Variants in ANAPC10 observed in about 807,000 individuals in gnomAD.
The protein encoded by ANAPC10 is anaphase-promoting complex subunit 10.
Under a neutral mutation model 22.0 loss-of-function variants are expected in ANAPC10, and 12 were observed. That is an observed-to-expected ratio of 0.55 (90% CI 0.35 to 0.88). The LOEUF (loss-of-function observed/expected upper bound fraction) is 0.88. ANAPC10 is among the 40% of genes least tolerant of loss of function. The probability of loss-of-function intolerance (pLI) is 0.01; values close to 1 mark genes in which losing one functional copy is unlikely to be tolerated. For synonymous variants in ANAPC10, 65 were observed against 69.5 expected, an observed-to-expected ratio of 0.94 and a Z score of 0.32; for missense variants, 188 against 220.9, an observed-to-expected ratio of 0.85 and a Z score of 0.94.
At chr4:145,036,662 A>T (rs959573995) in intron 4 of ANAPC10, among the ~76,000 whole-genome samples, 10 of 152,214 alleles carry the variant, frequency 6.6e-5, no homozygotes, top group Admixed American at 3.9e-4. Flanking sequence ...CACGCTTTTA[A>T]CCTACATACA....
At position 145,035,917 on chromosome 4, in the gene ANAPC10, G is replaced by A. The variant is rs188696992; in HGVS notation, c.327+28655C>T. Among the ~76,000 whole-genome samples, 3 of 152,280 alleles carry A rather than the reference G, an allele frequency of 2.0e-5. No homozygotes were observed. In the East Asian group the frequency reaches 5.8e-4, roughly 29 times the overall value. On this transcript the variant is annotated intron_variant, in intron 4 of 4. Transcript: ENST00000507656. ...TCTGATGGACCTTCCACTGGTAGCA[G>A]ATGAGCTGGAAGTCCAGGAGGGATG...
chr4:145,002,776 G>A (rs1486647033), intron 4 of ANAPC10, among the ~76,000 whole-genome samples: 4 of 151,960 alleles, frequency 2.6e-5, no homozygotes, highest in African/African-American at 9.7e-5. Flanking sequence ...TCATTAAAAA[G>A]TTACATACAT....
intron 4 of ANAPC10, among the ~76,000 whole-genome samples, chr4:145,012,449 C>T (rs936853963): frequency 2.6e-5 from 4 of 151,876 alleles, no homozygotes; most frequent in African/African-American, 9.7e-5. Context: ...TAAAGAATTT[C>T]ATCTGAGAAT....
At chr4:145,089,197 C>T (rs1346664781) in intron 2 of ANAPC10, among the ~76,000 whole-genome samples, 2 of 151,964 alleles carry the variant, frequency 1.3e-5, no homozygotes, top group African/African-American at 4.8e-5. Flanking sequence ...ACTCAAAGGC[C>T]ATAATTGTCA....
intron 3 of ANAPC10, among the ~76,000 whole-genome samples, chr4:145,076,971 G>A (rs2162092): frequency 0.43 from 65,323 of 151,976 alleles, 14,401 homozygotes; most frequent in Middle Eastern, 0.5. Flanking sequence ...AGGCCAACGC[G>A]GGTGGATCAC....
chr4:145,062,068 GAAAA>G (rs796106126), intron 4 of ANAPC10, among the ~76,000 whole-genome samples: 1 of 124,332 alleles, frequency 8.0e-6, no homozygotes, highest in Non-Finnish European at 1.8e-5. Flanking sequence ...GTCAAAAAAA[GAAAA>G]AAAAAAAAGA....
intron 4 of ANAPC10, among the ~76,000 whole-genome samples, chr4:145,038,132 C>A (rs767322651): frequency 6.6e-6 from 1 of 151,768 alleles, no homozygotes; most frequent in African/African-American, 2.4e-5. Context: ...GCCAGAAGTT[C>A]CAGACAAGCC....
chr4:145,046,031 C>T (rs1740247822), intron 4 of ANAPC10, among the ~76,000 whole-genome samples: 2 of 152,028 alleles, frequency 1.3e-5, no homozygotes, highest in Non-Finnish European at 2.9e-5. Context: ...GGCCAAACTG[C>T]CCTAAAAGCA....
chr4:145,057,295 A>G (rs547083878), intron 4 of ANAPC10, among the ~76,000 whole-genome samples: 5 of 152,362 alleles, frequency 3.3e-5, no homozygotes, highest in East Asian at 1.9e-4. Flanking sequence ...AATTGCATTA[A>G]GTAAATTACA....
chr4:145,039,197 G>A (rs758280057), intron 4 of ANAPC10, among the ~76,000 whole-genome samples: 1 of 152,208 alleles, frequency 6.6e-6, no homozygotes, highest in Non-Finnish European at 1.5e-5. Flanking sequence ...TAAAAACAAT[G>A]AGGAAGTGGA....
intron 4 of ANAPC10, among the ~76,000 whole-genome samples, chr4:145,034,013 C>A (rs1738040393): frequency 6.6e-6 from 1 of 152,148 alleles, no homozygotes; most frequent in Non-Finnish European, 1.5e-5. Flanking sequence ...GGGATTGATG[C>A]ATTTCTGGTT....
intron 4 of ANAPC10, among the ~76,000 whole-genome samples, chr4:145,030,586 GACTT>G (rs940434287): frequency 9.9e-5 from 15 of 152,140 alleles, no homozygotes; most frequent in African/African-American, 3.6e-4. Context: ...GCTTAGGTCT[GACTT>G]ACACTGGGTC....
chr4:145,025,087 T>C (rs1736469292), intron 4 of ANAPC10, among the ~76,000 whole-genome samples: 2 of 152,208 alleles, frequency 1.3e-5, no homozygotes, highest in African/African-American at 4.8e-5. Context: ...CTTCTGCAGC[T>C]TCCTCACCTC....
At chr4:145,001,032 C>G (rs185625940) in intron 4 of ANAPC10, among the ~76,000 whole-genome samples, 3 of 151,960 alleles carry the variant, frequency 2.0e-5, no homozygotes, top group African/African-American at 7.2e-5. Context: ...CGGGGCCTGT[C>G]GTAGGGTGCA....
intron 4 of ANAPC10, among the ~76,000 whole-genome samples, chr4:145,005,884 A>G (rs1480343886): frequency 6.6e-5 from 10 of 151,972 alleles, no homozygotes. Context: ...TTGTGTGGTT[A>G]ATTTTATAGT....
At chr4:145,028,479 C>T (rs1737071363) in intron 4 of ANAPC10, among the ~76,000 whole-genome samples, 1 of 151,998 alleles carries the variant, frequency 6.6e-6, no homozygotes, top group Non-Finnish European at 1.5e-5. Flanking sequence ...CATATATATA[C>T]ATATCTCCCA....
At chr4:145,037,938 C>A (rs1738845526) in intron 4 of ANAPC10, among the ~76,000 whole-genome samples, 1 of 144,182 alleles carries the variant, frequency 6.9e-6, no homozygotes, top group South Asian at 2.2e-4. Flanking sequence ...CAGAGCAAAA[C>A]CCTGTCTCAA....
At chr4:145,052,390 T>C (rs1044574341) in intron 4 of ANAPC10, among the ~76,000 whole-genome samples, 2 of 152,130 alleles carry the variant, frequency 1.3e-5, no homozygotes, top group African/African-American at 4.8e-5. Context: ...TTTCTGTCAA[T>C]TTAAAAAACT....
chr4:145,029,902 A>G (rs1578964228), intron 4 of ANAPC10, among the ~76,000 whole-genome samples: 1 of 152,308 alleles, frequency 6.6e-6, no homozygotes, highest in Non-Finnish European at 1.5e-5. Context: ...GAAGAGCCCT[A>G]TAATTGCTCT....
Sources: allele counts gnomAD v4.1 joint callset (sites outside exome capture counted in the v4.1 genomes callset), GRCh38; gene constraint gnomAD v4.1.1; transcripts MANE v1.5; gene names NCBI Gene and HGNC (gene_info 2026-07-23, HGNC 2026-07-21).